Variants in NCS1 observed in about 807,000 individuals in gnomAD.
The protein encoded by NCS1 is neuronal calcium sensor 1, also known as frequenin homolog.
In NCS1, 6 loss-of-function variants were observed where a neutral mutation model predicts 28.4. The ratio of observed to expected loss-of-function variants is 0.21; its 90% confidence interval spans 0.12 to 0.42. The LOEUF (loss-of-function observed/expected upper bound fraction) is 0.42. Among genes scored for constraint, NCS1 ranks in the 10% least tolerant of loss-of-function variants. The pLI is 1.00. For missense variants in NCS1, 131 were observed against 241.4 expected, an observed-to-expected ratio of 0.54 and a Z score of 3.03; for synonymous variants, 86 against 99.3, an observed-to-expected ratio of 0.87 and a Z score of 0.79.
At chr9:130,216,715 CAAAA>C (rs76465819) in intron 2 of NCS1, among the ~76,000 whole-genome samples, 1 of 87,524 alleles carries the variant, frequency 1.1e-5, no homozygotes, top group Non-Finnish European at 2.4e-5. Flanking sequence ...GACTCTGTCT[CAAAA>C]AAAAAAAAAA....
At chr9:130,213,377 TCAC>T (rs1833139966) in intron 2 of NCS1, among the ~76,000 whole-genome samples, 4 of 150,822 alleles carry the variant, frequency 2.7e-5, no homozygotes, top group Non-Finnish European at 4.4e-5. Context: ...TCCTGGGTTC[TCAC>T]CATTCTCCTG....
chr9:130,201,573 C>T (rs782182477), intron 2 of NCS1, among the ~76,000 whole-genome samples: 8 of 152,062 alleles, frequency 5.3e-5, no homozygotes, highest in African/African-American at 1.9e-4. Context: ...GTGTATTGTC[C>T]GTCTTTGTGG....
Position 130,209,150 on chromosome 9 carries a change from A to T in NCS1, c.89+8168A>T, listed in dbSNP as rs575835789. 2.6e-4 allele frequency among the ~76,000 whole-genome samples: 39 copies of T among 152,248 alleles called. No homozygotes were observed. The East Asian group carries it at 6.6e-3, about 26-fold the overall frequency. Reference sequence around the variant, plus strand: ...ATTTGCCGAGGCTGCCGCTGCGCCCATCCCCGCTGCGCCTGGCTGATTGCA... The same window carrying T: ...ATTTGCCGAGGCTGCCGCTGCGCCCTTCCCCGCTGCGCCTGGCTGATTGCA... On this transcript the variant is annotated intron_variant, in intron 2 of 7. Transcript: ENST00000372398. The surrounding 1 kb of genome is among the most constrained non-coding windows in gnomAD (Gnocchi z 4.4).
intron 3 of NCS1, among the ~76,000 whole-genome samples, chr9:130,218,381 C>T (rs1265691126): frequency 2.6e-5 from 4 of 152,202 alleles, no homozygotes; most frequent in Admixed American, 2.0e-4. Context: ...GCACACAATG[C>T]ATGGACTTGC....
rs1756769307 is a variant in NCS1 at position 130,177,977 on chromosome 9, C to A, written c.64+5250C>A. The stretch of plus-strand genomic sequence containing the variant: ...CCTCAGTGTTGAGGAGGATTCGGGG[C>A]ATATGAAGGGTTTAGCTTGGTGCCT... On this transcript the variant is annotated intron_variant, in intron 1 of 7. Coordinates refer to ENST00000372398, the MANE Select transcript of NCS1 (RefSeq NM_014286.4). The surrounding 1 kb of genome is among the most constrained non-coding windows in gnomAD (Gnocchi z 4.4). Among the ~76,000 whole-genome samples the A allele has an allele frequency of 6.6e-6, 1 of 152,170 alleles. No individual in the cohort carries two copies. Among genetic ancestry groups the A allele is most frequent in the Admixed American group, 6.6e-5 (1 of 15,264 alleles).
At chr9:130,182,838 C>T (rs1286268520) in intron 1 of NCS1, among the ~76,000 whole-genome samples, 2 of 152,260 alleles carry the variant, frequency 1.3e-5, no homozygotes, top group African/African-American at 2.4e-5. Flanking sequence ...CTGCCCTGCC[C>T]TGTGCCTGGC....
At chr9:130,196,403 G>A (rs1054934030) in intron 1 of NCS1, among the ~76,000 whole-genome samples, 6 of 152,176 alleles carry the variant, frequency 3.9e-5, no homozygotes, top group African/African-American at 1.4e-4. Context: ...CATGTCACAA[G>A]AGGCTGCAGG....
rs1219512336 is a variant in NCS1 at position 130,226,617 on chromosome 9, G to A, written c.*17+113G>A. The A allele has an allele frequency of 5.0e-6, 4 of 797,826 alleles. No homozygotes were observed. The highest frequency in any genetic ancestry group is 2.7e-5 in the East Asian group (1 of 36,850). 49.4% of individuals were successfully genotyped at this position (797,826 alleles called of 1,614,324 possible). ...TACCTGGGTCTCTGGGGGTGTTGTG[G>A]TCAGCCTAGCAGGGACATAGCTGGG... On this transcript the variant is annotated intron_variant, in intron 7 of 7. Coordinates refer to ENST00000372398, the MANE Select transcript of NCS1 (RefSeq NM_014286.4). The surrounding 1 kb of genome is among the most constrained non-coding windows in gnomAD (Gnocchi z 4.8).
chr9:130,231,660 A>G (rs1203947776), intron 7 of NCS1, among the ~76,000 whole-genome samples: 1 of 152,160 alleles, frequency 6.6e-6, no homozygotes, highest in African/African-American at 2.4e-5. Flanking sequence ...TTGGGATTAC[A>G]GACATGAGCC....
At chr9:130,201,888 C>G (rs1381891078) in intron 2 of NCS1, among the ~76,000 whole-genome samples, 1 of 152,196 alleles carries the variant, frequency 6.6e-6, no homozygotes, top group African/African-American at 2.4e-5. Context: ...TAGAAACACC[C>G]TCCTTCTAGA....
chr9:130,172,948 C>G (rs1400755704), intron 1 of NCS1, among the ~76,000 whole-genome samples: 1 of 151,874 alleles, frequency 6.6e-6, no homozygotes, highest in Non-Finnish European at 1.5e-5. Flanking sequence ...GGAGTGCGCG[C>G]CGGTCGGCGT....
intron 2 of NCS1, among the ~76,000 whole-genome samples, chr9:130,214,405 G>C (rs529593228): frequency 6.6e-6 from 1 of 152,342 alleles, no homozygotes; most frequent in East Asian, 1.9e-4. Context: ...GGGAGAGAGA[G>C]GGGAATCAAC....
At chr9:130,227,916 C>T (rs369826728) in intron 7 of NCS1, among the ~76,000 whole-genome samples, 6 of 152,106 alleles carry the variant, frequency 3.9e-5, no homozygotes, top group East Asian at 3.9e-4. Context: ...TTCTCAGTCC[C>T]GGGAAAATTG....
chr9:130,218,791 G>A (rs546843523), intron 3 of NCS1, among the ~76,000 whole-genome samples: 4 of 151,980 alleles, frequency 2.6e-5, no homozygotes, highest in South Asian at 4.1e-4. Context: ...GGGTTTCACC[G>A]TATTGCCCAG....
rs1219109507 is a variant in NCS1, at chr9:130,236,440, G to A, written c.*3468G>A. 5 of 152,118 alleles carry A rather than the reference G, an allele frequency of 3.3e-5. No individual in the cohort carries two copies. The highest frequency in any genetic ancestry group is 7.2e-5 in the African/African-American group (3 of 41,384). 9.4% of individuals were successfully genotyped at this position (152,118 alleles called of 1,614,324 possible). A position where few individuals can be genotyped will look rare whatever the true frequency, so the allele number is the denominator to read the frequency against. ...GGGGCTGTGAGTCCTCAGAGGCCCT[G>A]GGCCACCACATTTCTGGCAGCGTTT... On this transcript the variant is annotated 3_prime_UTR_variant, in exon 8 of 8. Coordinates refer to ENST00000372398, the MANE Select transcript of NCS1 (RefSeq NM_014286.4).
intron 1 of NCS1, among the ~76,000 whole-genome samples, chr9:130,176,629 G>C (rs1201273755): frequency 6.6e-6 from 1 of 152,238 alleles, no homozygotes; most frequent in African/African-American, 2.4e-5. Flanking sequence ...CACAGAAGGT[G>C]ACATCTATGA....
intron 7 of NCS1, among the ~76,000 whole-genome samples, chr9:130,231,829 C>T (rs2131164625): frequency 6.7e-6 from 1 of 149,958 alleles, no homozygotes; most frequent in East Asian, 2.0e-4. Context: ...CAGCAAAGGA[C>T]AGAGGTTCCA....
intron 1 of NCS1, among the ~76,000 whole-genome samples, chr9:130,190,785 C>T (rs1564704956): frequency 6.6e-6 from 1 of 152,222 alleles, no homozygotes; most frequent in Non-Finnish European, 1.5e-5. Flanking sequence ...CCACCCCTGA[C>T]TGCGTGATCT....
rs1255151637 is a variant in NCS1 at position 130,219,894 on chromosome 9, C to G, written c.307+91C>G. On this transcript the variant is annotated intron_variant, in intron 4 of 7. Transcript: ENST00000372398. The surrounding 1 kb of genome is among the most constrained non-coding windows in gnomAD (Gnocchi z 5.7). ...CTCGGCCCTCACCAGGCAGGGGTGCCAGACACCCACTGCAGTGACCACAGA... is the reference window on the plus strand; with the variant it reads ...CTCGGCCCTCACCAGGCAGGGGTGCGAGACACCCACTGCAGTGACCACAGA... 70 of 1,319,424 alleles carry G rather than the reference C, an allele frequency of 5.3e-5. No homozygotes were observed. The highest frequency in any genetic ancestry group is 9.8e-6 in the Non-Finnish European group (9 of 919,470). The allele number at this position is 1,319,424 out of a possible 1,614,324, so 81.7% of individuals were successfully genotyped here. A position where few individuals can be genotyped will look rare whatever the true frequency, so the allele number is the denominator to read the frequency against.
Sources: gnomAD v4.1 joint callset for allele counts (sites outside exome capture counted in the v4.1 genomes callset) on GRCh38, gnomAD v4.1.1 for gene constraint, Gnocchi (gnomAD v3.1) non-coding constraint, MANE v1.5 for transcripts, NCBI Gene and HGNC (gene_info 2026-07-23, HGNC 2026-07-21) for gene names.